PRTG: variants seen among roughly 807,000 people sequenced by gnomAD.
PRTG encodes the protein protogenin.
A neutral mutation model predicts 122.5 loss-of-function variants in PRTG; 67 were observed. The ratio of observed to expected loss-of-function variants is 0.55; its 90% CI spans 0.45 to 0.67. The LOEUF (loss-of-function observed/expected upper bound fraction) is 0.67, where lower values mean the gene tolerates loss of function less well. Among genes scored for constraint, PRTG ranks in the 30% least tolerant of loss-of-function variants. The pLI is 0.00. For synonymous variants in PRTG, 554 were observed against 501.1 expected (o/e 1.11, Z -1.41); for missense variants, 1,435 against 1,415.4 (o/e 1.01, Z -0.22).
chr15:55,686,844 T>C (rs2059573195), intron 2 of PRTG, among the ~76,000 whole-genome samples: 1 of 152,236 alleles, frequency 6.6e-6, no homozygotes, highest in East Asian at 1.9e-4. Flanking sequence ...CATTGGTCCC[T>C]TTGTCCACCT....
intron 4 of PRTG, 112 bp downstream of exon 4, chr15:55,682,252 T>A: frequency 1.1e-6 from 1 of 914,156 alleles, no homozygotes; most frequent in Non-Finnish European, 1.5e-6. Context: ...AAATAGATTA[T>A]AATAATTTAA....
chr15:55,633,066 C>T (rs149420545), intron 15 of PRTG, among the ~76,000 whole-genome samples: 2 of 152,248 alleles, frequency 1.3e-5, no homozygotes, highest in African/African-American at 4.8e-5. Context: ...ACTTATTTAA[C>T]CATGATGAAA....
chr15:55,728,557 C>A (rs1595681440), intron 2 of PRTG, among the ~76,000 whole-genome samples: 1 of 152,118 alleles, frequency 6.6e-6, no homozygotes. Context: ...AATACACCTT[C>A]ATAATATAAA....
chr15:55,708,686 C>T (rs1189960695), intron 2 of PRTG, among the ~76,000 whole-genome samples: 1 of 152,150 alleles, frequency 6.6e-6, no homozygotes, highest in Non-Finnish European at 1.5e-5. Flanking sequence ...ACTGTTAAGA[C>T]AATTAGCTTC....
At chr15:55,622,384 ATTTT>A (rs35166581) in intron 18 of PRTG, among the ~76,000 whole-genome samples, 10 of 109,270 alleles carry the variant, frequency 9.2e-5, no homozygotes, top group South Asian at 3.3e-4. Flanking sequence ...CACCCAGCTA[ATTTT>A]TTTTTTTTTT....
intron 15 of PRTG, among the ~76,000 whole-genome samples, chr15:55,634,225 G>A (rs113032684): frequency 0.075 from 11,290 of 151,434 alleles, 526 homozygotes; most frequent in Non-Finnish European, 0.11. Context: ...CTGCCACCAC[G>A]CCTGGCTAAT....
intron 2 of PRTG, among the ~76,000 whole-genome samples, chr15:55,725,096 A>G (rs542190072): frequency 2.6e-5 from 4 of 152,346 alleles, no homozygotes; most frequent in Non-Finnish European, 5.9e-5. Context: ...ATGCATAAAA[A>G]GCCTATACAT....
At chr15:55,723,566 C>T (rs376612361) in intron 2 of PRTG, among the ~76,000 whole-genome samples, 4 of 151,862 alleles carry the variant, frequency 2.6e-5, no homozygotes. Flanking sequence ...AGAAATAAAT[C>T]TATACACCTA....
chr15:55,643,604 T>C (rs1231855086), intron 11 of PRTG, among the ~76,000 whole-genome samples: 1 of 150,936 alleles, frequency 6.6e-6, no homozygotes, highest in African/African-American at 2.4e-5. Context: ...TGGCATTTTT[T>C]GTAGAGACAA....
intron 18 of PRTG, among the ~76,000 whole-genome samples, chr15:55,623,729 A>C (rs540456938): frequency 2.6e-5 from 4 of 152,382 alleles, no homozygotes; most frequent in African/African-American, 9.6e-5. Flanking sequence ...GTGACTAAAA[A>C]TAATTTTAAA....
At chr15:55,690,999 T>C (rs953266884) in intron 2 of PRTG, among the ~76,000 whole-genome samples, 1 of 152,188 alleles carries the variant, frequency 6.6e-6, no homozygotes, top group African/African-American at 2.4e-5. Context: ...CCAAACTTTC[T>C]GTAGAAGATA....
chr15:55,736,709 T>C (rs1595687599), intron 2 of PRTG, among the ~76,000 whole-genome samples: 2 of 152,200 alleles, frequency 1.3e-5, no homozygotes, highest in East Asian at 1.9e-4. Flanking sequence ...ATAATTCCTA[T>C]GCTCTTCCAG....
chr15:55,640,847 C>T (rs2059285839), intron 12 of PRTG, among the ~76,000 whole-genome samples: 1 of 145,116 alleles, frequency 6.9e-6, no homozygotes, highest in African/African-American at 2.7e-5. Flanking sequence ...CCCGTCTCTA[C>T]TAAAAATACA....
chr15:55,735,062 T>C (rs1465283748), intron 2 of PRTG, among the ~76,000 whole-genome samples: 2 of 152,174 alleles, frequency 1.3e-5, no homozygotes, highest in Non-Finnish European at 2.9e-5. Flanking sequence ...AAAATGATGA[T>C]TTTTTTAAAG....
chr15:55,690,724 T>C (rs1043408112), intron 2 of PRTG, among the ~76,000 whole-genome samples: 1 of 152,238 alleles, frequency 6.6e-6, no homozygotes, highest in Admixed American at 6.5e-5. Flanking sequence ...ACCCAAATTA[T>C]AAAAGCAAAT....
chr15:55,712,545 A>C (rs1244865124), intron 2 of PRTG, among the ~76,000 whole-genome samples: 1 of 152,214 alleles, frequency 6.6e-6, no homozygotes, highest in Non-Finnish European at 1.5e-5. Flanking sequence ...ATAATGGTGC[A>C]TGATCTGGTT....
rs189659325 is a variant in PRTG at position 55,681,860 on chromosome 15, A to G, written c.676+504T>C. On this transcript the variant is annotated intron_variant, in intron 4 of 19. Coordinates refer to ENST00000389286, the MANE Select transcript of PRTG (RefSeq NM_173814.6). ...ACTTTTAAAAACGAAAGTGAAATAT[A>G]GCCAGCCCTCAGTATCTGTGGGTTG... is the stretch of plus-strand genomic sequence containing the variant. 3.9e-5 allele frequency among the ~76,000 whole-genome samples: 6 copies of G among 152,336 alleles called. No individual in the cohort carries two copies. In the East Asian group the frequency reaches 9.6e-4, roughly 24 times the overall value.
intron 11 of PRTG, among the ~76,000 whole-genome samples, chr15:55,647,568 C>T (rs942559488): frequency 1.4e-4 from 21 of 152,230 alleles, no homozygotes; most frequent in Non-Finnish European, 2.2e-4. Context: ...TGTAACAGGA[C>T]GTCTCTGATA....
In PRTG at chr15:55,620,777, T is replaced by C. The variant is rs2059162065; in HGVS notation, c.3094-10A>G. 6 of 1,574,164 alleles carry C rather than the reference T, an allele frequency of 3.8e-6. No homozygotes were observed. The Admixed American group carries it at 1.0e-4, about 27-fold the overall frequency. On this transcript the variant is annotated splice_polypyrimidine_tract_variant and intron_variant, in intron 18 of 19. Coordinates refer to ENST00000389286, the MANE Select transcript of PRTG (RefSeq NM_173814.6). Reference sequence around the variant, plus strand: ...TCAGGTCAGTTCCTCCCTGAGGAAATAAAAGAGGGGAAATGTAAAATATCC... The same window carrying C: ...TCAGGTCAGTTCCTCCCTGAGGAAACAAAAGAGGGGAAATGTAAAATATCC...
Sources: gnomAD v4.1 joint callset for allele counts (sites outside exome capture counted in the v4.1 genomes callset) on GRCh38, gnomAD v4.1.1 for gene constraint, MANE v1.5 for transcripts, NCBI Gene and HGNC (gene_info 2026-07-23, HGNC 2026-07-21) for gene names.